HOOK3: variants seen among roughly 807,000 people sequenced by gnomAD.
HOOK3 encodes the protein hook microtubule tethering protein 3.
In HOOK3, 24 loss-of-function variants were observed where a neutral mutation model predicts 116.3. The ratio of observed to expected loss-of-function variants is 0.21; its 90% CI spans 0.15 to 0.29. HOOK3 has a LOEUF of 0.29. HOOK3 is among the 10% of genes least tolerant of loss of function. The pLI is 1.00. For synonymous variants in HOOK3, 275 were observed against 283.0 expected (o/e 0.97, Z 0.28); for missense variants, 632 against 830.2 (o/e 0.76, Z 2.93).
In HOOK3 at chr8:42,964,385, T is replaced by C. The variant is rs1170230340; in HGVS notation, c.690T>C (p.Ser230=). 1.9e-6 allele frequency: 3 copies of C among 1,614,122 alleles called. 1 individual carries two copies. The South Asian group carries it at 3.3e-5, about 18-fold the overall frequency. Residue 230 remains serine (S), a synonymous_variant, in exon 9 of 22, where the codon TCT becomes TCC. Transcript: ENST00000307602. ...NQVLMERLNQ[S]DSIEDPNSPA... is the part of the protein sequence containing the mutation. Reference sequence around the variant, plus strand: ...TATTAATGGAAAGACTCAATCAATCTGATTCTATAGAAGACCCTAACAGTC... The same window carrying C: ...TATTAATGGAAAGACTCAATCAATCCGATTCTATAGAAGACCCTAACAGTC...
Position 42,982,652 on chromosome 8 carries a change from G to A in HOOK3, c.1347G>A (p.Glu449=). ...TQGLMPLGSQ[E]SSDSLAAEIV... is the part of the protein sequence containing the mutation. ...GGTTAATGCCTCTTGGAAGTCAGGAGTCTTCAGACAGTCTAGCTGCAGAGA... is the reference window on the plus strand; with the variant it reads ...GGTTAATGCCTCTTGGAAGTCAGGAATCTTCAGACAGTCTAGCTGCAGAGA... The change falls in exon 14 of 22, where the codon GAG becomes GAA. Residue 449 remains glutamate, a synonymous_variant. Coordinates refer to ENST00000307602, the MANE Select transcript of HOOK3 (RefSeq NM_032410.4). The A allele has an allele frequency of 6.2e-7, 1 of 1,612,676 alleles. No homozygotes were observed. Among genetic ancestry groups the A allele is most frequent in the Non-Finnish European group, 8.5e-7 (1 of 1,178,812 alleles).
At chr8:42,982,515 T>C (rs922980120) in intron 13 of HOOK3, 112 bp from the exon 14 acceptor site, 8 of 720,124 alleles carry the variant, frequency 1.1e-5, no homozygotes, top group Non-Finnish European at 2.0e-5. Context: ...CGTGGTCCTT[T>C]ACTTGAAAAT....
chr8:42,932,710 C>T (rs575340433), intron 4 of HOOK3, among the ~76,000 whole-genome samples: 1 of 152,272 alleles, frequency 6.6e-6, no homozygotes, highest in East Asian at 1.9e-4. Flanking sequence ...GTCTTTGGAA[C>T]TTATGCCCTT....
chr8:43,001,691 T>G (rs1392316665), intron 16 of HOOK3, among the ~76,000 whole-genome samples: 1 of 152,196 alleles, frequency 6.6e-6, no homozygotes, highest in Non-Finnish European at 1.5e-5. Context: ...TCAGACATAT[T>G]TATAGAAGCT....
intron 15 of HOOK3, among the ~76,000 whole-genome samples, chr8:42,996,789 T>C (rs994558002): frequency 6.6e-6 from 1 of 152,186 alleles, no homozygotes; most frequent in African/African-American, 2.4e-5. Context: ...TTGACCATCA[T>C]TTTTATATGC....
chr8:42,897,435 G>A, intron 1 of HOOK3: 2 of 369,878 alleles, frequency 5.4e-6, no homozygotes, highest in Non-Finnish European at 9.6e-6. Context: ...TGGGATCCGT[G>A]CGGCTGCTCG....
intron 4 of HOOK3, among the ~76,000 whole-genome samples, chr8:42,940,020 C>A (rs966153783): frequency 3.3e-5 from 5 of 150,946 alleles, no homozygotes; most frequent in African/African-American, 9.8e-5. Context: ...GGCAGAGGGG[C>A]TCCTCACATC....
intron 8 of HOOK3, among the ~76,000 whole-genome samples, chr8:42,962,411 T>G (rs1017578483): frequency 2.7e-5 from 4 of 149,360 alleles, no homozygotes; most frequent in African/African-American, 9.8e-5. Context: ...CCGTGTGTTT[T>G]TTTTTTTTTT....
At chr8:42,954,732 T>C (rs1448824639) in intron 6 of HOOK3, among the ~76,000 whole-genome samples, 1 of 152,202 alleles carries the variant, frequency 6.6e-6, no homozygotes, top group African/African-American at 2.4e-5. Context: ...ATAGACATGG[T>C]CTCTTTCCTC....
rs563433268 is a variant in HOOK3 at position 43,030,359 on chromosome 8, C to T, written c.*11861C>T. The T allele has an allele frequency of 3.3e-5, 6 of 181,366 alleles. No homozygotes were observed. Among genetic ancestry groups the T allele is most frequent in the South Asian group, 3.9e-4 (2 of 5,066 alleles). The allele number at this position is 181,366 out of a possible 1,614,324, so 11.2% of individuals were successfully genotyped here. A position where few individuals can be genotyped will look rare whatever the true frequency, so the allele number is the denominator to read the frequency against. On this transcript the variant is annotated 3_prime_UTR_variant, in exon 22 of 22. Coordinates refer to ENST00000307602, the MANE Select transcript of HOOK3 (RefSeq NM_032410.4). ...TAATTTTACGACTGCCAACTTGTTA[C>T]GGTATTAATTATATGTATGTGTTTA...
chr8:42,916,832 G>C (rs1434819529), intron 2 of HOOK3, among the ~76,000 whole-genome samples: 1 of 152,120 alleles, frequency 6.6e-6, no homozygotes, highest in South Asian at 2.1e-4. Context: ...AGGCCAAATG[G>C]AGCTCATATC....
At chr8:42,982,843 A>C (rs1242608807) in intron 14 of HOOK3, 147 bp downstream of exon 14, 4 of 613,938 alleles carry the variant, frequency 6.5e-6, no homozygotes, top group Non-Finnish European at 5.7e-6. Context: ...TGTTTTCAAC[A>C]TGTTAAAAGC....
At chr8:42,915,271 A>G (rs1807508695) in intron 2 of HOOK3, among the ~76,000 whole-genome samples, 1 of 151,992 alleles carries the variant, frequency 6.6e-6, no homozygotes, top group South Asian at 2.1e-4. Flanking sequence ...CTAACCTCCC[A>G]TACCTGGGAG....
intron 19 of HOOK3, among the ~76,000 whole-genome samples, chr8:43,010,680 A>G (rs1475170434): frequency 6.6e-6 from 1 of 152,244 alleles, no homozygotes; most frequent in Non-Finnish European, 1.5e-5. Flanking sequence ...TAACAACACC[A>G]ATTAATGATA....
Position 43,021,193 on chromosome 8 carries a change from C to A in HOOK3, c.*2695C>A, listed in dbSNP as rs1483713566. The A allele has an allele frequency of 5.9e-6, 1 of 168,256 alleles. No homozygotes were observed. Among genetic ancestry groups the A allele is most frequent in the Non-Finnish European group, 1.3e-5 (1 of 79,710 alleles). The allele number at this position is 168,256 out of a possible 1,614,324, so 10.4% of individuals were successfully genotyped here. A position where few individuals can be genotyped will look rare whatever the true frequency, so the allele number is the denominator to read the frequency against. Reference sequence around the variant, plus strand: ...CTGTGAGATGAGAGGTTTTCATTTTCATTTTCTATTTACAGCCCCAGTCCT... The same window carrying A: ...CTGTGAGATGAGAGGTTTTCATTTTAATTTTCTATTTACAGCCCCAGTCCT... On this transcript the variant is annotated 3_prime_UTR_variant, in exon 22 of 22. Transcript: ENST00000307602.
intron 6 of HOOK3, among the ~76,000 whole-genome samples, chr8:42,955,362 T>C (rs1450685806): frequency 3.3e-5 from 5 of 152,294 alleles, no homozygotes; most frequent in South Asian, 2.1e-4. Flanking sequence ...TAGTTCCCCA[T>C]CTATACCGTG....
At chr8:42,921,448 CTT>C (rs949022775) in intron 2 of HOOK3, among the ~76,000 whole-genome samples, 1 of 152,146 alleles carries the variant, frequency 6.6e-6, no homozygotes. Flanking sequence ...TTTTATAACT[CTT>C]TAATGTTTTA....
rs1309593337 is a variant in HOOK3, at chr8:43,030,057, A to G, written c.*11559A>G. ...AAAACAATGTCCACATCAGACTTGGAACTTCTCACTTCAAAAATGAAATAC... is the reference window on the plus strand; with the variant it reads ...AAAACAATGTCCACATCAGACTTGGGACTTCTCACTTCAAAAATGAAATAC... On this transcript the variant is annotated 3_prime_UTR_variant, in exon 22 of 22. Coordinates refer to ENST00000307602, the MANE Select transcript of HOOK3 (RefSeq NM_032410.4). 1 of 212,034 alleles carries G rather than the reference A, an allele frequency of 4.7e-6. No homozygotes were observed. Among genetic ancestry groups the G allele is most frequent in the Non-Finnish European group, 9.5e-6 (1 of 104,876 alleles). The allele number at this position is 212,034 out of a possible 1,614,324, so 13.1% of individuals were successfully genotyped here. A position where few individuals can be genotyped will look rare whatever the true frequency, so the allele number is the denominator to read the frequency against.
At chr8:42,975,212 G>A (rs557527098) in intron 13 of HOOK3, among the ~76,000 whole-genome samples, 1 of 152,314 alleles carries the variant, frequency 6.6e-6, no homozygotes, top group East Asian at 1.9e-4. Flanking sequence ...CCGCCGGGCT[G>A]GGACACCTGC....
Sources: allele counts gnomAD v4.1 joint callset (sites outside exome capture counted in the v4.1 genomes callset), GRCh38; gene constraint gnomAD v4.1.1; transcripts MANE v1.5; gene names NCBI Gene and HGNC (gene_info 2026-07-23, HGNC 2026-07-21).